NCOR2: variants seen among roughly 807,000 people sequenced by gnomAD.
The protein encoded by NCOR2 is nuclear receptor corepressor 2.
NCOR2 carries 81 observed loss-of-function variants against 262.9 expected under a neutral mutation model. The observed-to-expected ratio is 0.31, with a 90% CI of 0.26 to 0.37. The LOEUF (loss-of-function observed/expected upper bound fraction) is 0.37, where lower values mean the gene tolerates loss of function less well. NCOR2 is among the 10% of genes least tolerant of loss of function. The probability of loss-of-function intolerance (pLI) is 1.00; values close to 1 mark genes in which losing one functional copy is unlikely to be tolerated. For missense variants in NCOR2, 3,385 were observed against 3,621.4 expected (o/e 0.93, Z 1.68); for synonymous variants, 1,659 against 1,559.3 (o/e 1.06, Z -1.51).
chr12:124,567,502 A>AGCGCAGGGCGCGG (rs1407803233), upstream of NCOR2: 11 of 146,900 alleles, frequency 7.5e-5, no homozygotes, highest in South Asian at 6.3e-4. Flanking sequence ...CGCATCGCGG[A>AGCGCAGGGCGCGG]GCGCAGGGCG....
chr12:124,391,148 A>C (rs1487543258), intron 16 of NCOR2, among the ~76,000 whole-genome samples: 1 of 152,212 alleles, frequency 6.6e-6, no homozygotes, highest in Non-Finnish European at 1.5e-5. Context: ...CTTTTCTCCA[A>C]GGGTCTGCAA....
chr12:124,346,657 G>A, exon 31 of NCOR2: 4 of 1,587,008 alleles, frequency 2.5e-6, no homozygotes, highest in South Asian at 1.1e-5. Flanking sequence ...GGATGGAGCG[G>A]CCCGCCTCCT....
At chr12:124,469,341 C>T (rs565721053) in intron 4 of NCOR2, among the ~76,000 whole-genome samples, 2 of 152,286 alleles carry the variant, frequency 1.3e-5, no homozygotes, top group Admixed American at 6.5e-5. Flanking sequence ...CAGACTCCAT[C>T]GCTGGCGGTT....
At position 124,378,349 on chromosome 12, in the gene NCOR2, T is replaced by C. The variant is rs2040172572; in HGVS notation, c.2055A>G (p.Lys685=). 4 of 1,613,702 alleles carry C rather than the reference T, an allele frequency of 2.5e-6. No individual in the cohort carries two copies. The East Asian group carries it at 8.9e-5, about 36-fold the overall frequency. Residue 685 remains lysine, a synonymous_variant, in exon 18 of 47, where the codon AAA becomes AAG. Transcript: ENST00000405201. This position sits in a 1 kb window ranked among gnomAD's most constrained non-coding sequence, Gnocchi z 4.2. ...CCTCCTCGCTGGCCGCCGCCGGCGC[T>C]TTCTTCTTCTTCCTCCGCGCGTTCC... is the stretch of plus-strand genomic sequence containing the variant.
chr12:124,493,374 G>A (rs1359951640), intron 1 of NCOR2, among the ~76,000 whole-genome samples: 7 of 152,220 alleles, frequency 4.6e-5, no homozygotes, highest in African/African-American at 1.4e-4. Flanking sequence ...ACCAAGGAAC[G>A]GCAGCAGCAA....
chr12:124,468,189 CT>C (rs2136659853), intron 4 of NCOR2, among the ~76,000 whole-genome samples: 1 of 46,720 alleles, frequency 2.1e-5, no homozygotes, highest in East Asian at 9.2e-4. Flanking sequence ...CCTCATCACC[CT>C]CATCCTTATC....
chr12:124,543,017 T>G (rs888249180), intron 1 of NCOR2: 17 of 113,154 alleles, frequency 1.5e-4, no homozygotes, highest in Non-Finnish European at 2.3e-4. Context: ...CAGTCCCCAC[T>G]GGACTGCAAC....
chr12:124,348,322 C>A lies in NCOR2; in HGVS notation c.3845-8G>T. 6.3e-7 allele frequency: 1 copy of A among 1,599,616 alleles called. No homozygotes were observed. The highest frequency in any genetic ancestry group is 8.5e-7 in the Non-Finnish European group (1 of 1,171,864). On this transcript the variant is annotated splice_polypyrimidine_tract_variant and splice_region_variant and intron_variant, in intron 28 of 46. Coordinates refer to ENST00000405201, the Ensembl canonical transcript of NCOR2. ...GGGTCACAGACATGCCACCTGGAAA[C>A]CACACAAAGCACTCGGTGAGGAGCT...
At chr12:124,393,514 C>G (rs1262519170) in intron 16 of NCOR2, among the ~76,000 whole-genome samples, 1 of 152,218 alleles carries the variant, frequency 6.6e-6, no homozygotes, top group East Asian at 1.9e-4. Context: ...TCCCGGTGGC[C>G]CCTCTACCTT....
At position 124,378,667 on chromosome 12, in the gene NCOR2, T is replaced by C. The variant is rs1235144799; in HGVS notation, c.2020-283A>G. The stretch of plus-strand genomic sequence containing the variant: ...TGAGCACGAGAGAACCTGCCTGACA[T>C]TGCCCAGGAGTCTCCTAGTCAGAGC... On this transcript the variant is annotated intron_variant, in intron 17 of 46. Transcript: ENST00000405201. This position sits in a 1 kb window ranked among gnomAD's most constrained non-coding sequence, Gnocchi z 4.2. Among the ~76,000 whole-genome samples, 1 of 152,162 alleles carries C rather than the reference T, an allele frequency of 6.6e-6. No individual in the cohort carries two copies. The highest frequency in any genetic ancestry group is 1.5e-5 in the Non-Finnish European group (1 of 68,020).
At chr12:124,439,193 G>GA (rs2044635953) in intron 7 of NCOR2, among the ~76,000 whole-genome samples, 1 of 13,040 alleles carries the variant, frequency 7.7e-5, no homozygotes, top group Non-Finnish European at 1.8e-4. Flanking sequence ...AGAGAGAGAC[G>GA]GAGACCCAGA....
At chr12:124,362,237 G>A in exon 22 of NCOR2, 1 of 1,316,194 alleles carries the variant, frequency 7.6e-7, no homozygotes, top group Non-Finnish European at 9.7e-7. Context: ...GGTGGGGCTG[G>A]GGGAGCTGGC....
rs530391281 is a variant in NCOR2, at chr12:124,329,029, C to G, written c.6959-1396G>C. 1.8e-5 allele frequency: 8 copies of G among 452,738 alleles called. 1 individual carries two copies. Among genetic ancestry groups the G allele is most frequent in the South Asian group, 1.1e-4 (7 of 62,856 alleles). The allele number at this position is 452,738 out of a possible 1,614,324, so 28.0% of individuals were successfully genotyped here. On this transcript the variant is annotated intron_variant, in intron 44 of 46. Coordinates refer to ENST00000405201, the Ensembl canonical transcript of NCOR2. ...CAGCAGCGCGACTGGGCCTTCTACC[C>G]AAGGCCACGAGTCCGTGACCTGATG...
At chr12:124,529,417 TG>T (rs2050668980) in intron 1 of NCOR2, among the ~76,000 whole-genome samples, 1 of 152,090 alleles carries the variant, frequency 6.6e-6, no homozygotes, top group Non-Finnish European at 1.5e-5. Context: ...GAGGTTGCAG[TG>T]AGCCAAGATC....
At chr12:124,537,095 C>T (rs1049149903), upstream of NCOR2, among the ~76,000 whole-genome samples, 1 of 152,206 alleles carries the variant, frequency 6.6e-6, no homozygotes, top group South Asian at 2.1e-4. Flanking sequence ...ACAACTTTCA[C>T]ATTTGTAAAG....
intron 20 of NCOR2, among the ~76,000 whole-genome samples, chr12:124,367,849 G>T (rs978572454): frequency 1.3e-5 from 2 of 152,218 alleles, no homozygotes; most frequent in Non-Finnish European, 2.9e-5. Flanking sequence ...GGTCAGGCTG[G>T]TCTCAAACTC....
intron 33 of NCOR2, 100 bp downstream of exon 35, chr12:124,342,905 C>T: frequency 1.5e-6 from 2 of 1,316,908 alleles, no homozygotes; most frequent in Non-Finnish European, 2.1e-6. Flanking sequence ...TCCAGGGGAA[C>T]CTGACAGTTG....
At chr12:124,526,480 T>C (rs1233160444) in intron 1 of NCOR2, among the ~76,000 whole-genome samples, 3 of 152,100 alleles carry the variant, frequency 2.0e-5, no homozygotes, top group African/African-American at 7.2e-5. Context: ...TCTGGAGATA[T>C]GGAGAGGCAC....
rs550458329 is a variant in NCOR2, at chr12:124,544,876, G to A, written c.-164-9265C>T. Among the ~76,000 whole-genome samples the A allele has an allele frequency of 5.3e-5, 8 of 152,182 alleles. No individual in the cohort carries two copies. In the East Asian group the frequency reaches 1.2e-3, roughly 22 times the overall value. ...CCTGTGTGTGCTGCTCAACTTCGCA[G>A]AGGCAGTTTCCTCTCGGTGAAACGG... is the stretch of plus-strand genomic sequence containing the variant. On this transcript the variant is annotated intron_variant, in intron 1 of 32. Transcript: ENST00000458234.
Sources: gnomAD v4.1 joint callset for allele counts (sites outside exome capture counted in the v4.1 genomes callset) on GRCh38, gnomAD v4.1.1 for gene constraint, Gnocchi (gnomAD v3.1) non-coding constraint, MANE v1.5 for transcripts, NCBI Gene and HGNC (gene_info 2026-07-23, HGNC 2026-07-21) for gene names.